REEP1: variants seen among roughly 807,000 people sequenced by gnomAD.
REEP1 encodes the protein receptor accessory protein 1, also known as receptor expression-enhancing protein 1.
Under a neutral mutation model 40.3 loss-of-function variants are expected in REEP1, and 22 were observed. The ratio of observed to expected loss-of-function variants is 0.55; its 90% confidence interval spans 0.39 to 0.78. The LOEUF (loss-of-function observed/expected upper bound fraction) is 0.78. Ranked by LOEUF, REEP1 falls within the 30% of genes least tolerant of loss-of-function variation. The probability of loss-of-function intolerance (pLI) is 0.00; values close to 1 mark genes in which losing one functional copy is unlikely to be tolerated. For missense variants in REEP1, 280 were observed against 361.1 expected, an observed-to-expected ratio of 0.78 and a Z score of 1.82; for synonymous variants, 116 against 139.2, an observed-to-expected ratio of 0.83 and a Z score of 1.17.
At chr2:86,335,005 G>GCGTT (rs1255851373) in intron 1 of REEP1, among the ~76,000 whole-genome samples, 1 of 152,218 alleles carries the variant, frequency 6.6e-6, no homozygotes, top group Non-Finnish European at 1.5e-5. Flanking sequence ...TGAACCATGG[G>GCGTT]CGTTCTGACT....
intron 1 of REEP1, among the ~76,000 whole-genome samples, chr2:86,328,367 A>G (rs2104534465): frequency 6.6e-6 from 1 of 152,338 alleles, no homozygotes; most frequent in East Asian, 1.9e-4. Context: ...ACTGATCACA[A>G]TTAGGCAGCC....
At chr2:86,265,975 G>A (rs980591882) in intron 2 of REEP1, among the ~76,000 whole-genome samples, 2 of 152,116 alleles carry the variant, frequency 1.3e-5, no homozygotes, top group African/African-American at 4.8e-5. Context: ...AATATCTGTG[G>A]TTTCCACAAT....
rs141168918 is a variant in REEP1 at position 86,304,034 on chromosome 2, G to A, written c.33-21792C>T. Among the ~76,000 whole-genome samples the A allele has an allele frequency of 5.8e-3, 883 of 152,288 alleles. 5 individuals carry two copies. The highest frequency in any genetic ancestry group is 0.02 in the African/African-American group (838 of 41,540). On this transcript the variant is annotated intron_variant, in intron 1 of 8. Coordinates refer to ENST00000538924, the MANE Select transcript of REEP1 (RefSeq NM_001371279.1). ...GGGTGCGACACTTGGTAGATATGTA[G>A]TAAATAGGAATGATTGAATGAATGT...
chr2:86,323,958 T>C (rs2104522198), intron 1 of REEP1, among the ~76,000 whole-genome samples: 1 of 151,844 alleles, frequency 6.6e-6, no homozygotes, highest in African/African-American at 2.4e-5. Flanking sequence ...GCTTTTCATG[T>C]GAAGAAAAAA....
chr2:86,337,981 C>T (rs1681132054), upstream of REEP1: 1 of 1,510,984 alleles, frequency 6.6e-7, no homozygotes. The surrounding 1 kb of genome is among the most constrained non-coding windows in gnomAD (Gnocchi z 5.8). Context: ...GGGATGCTGT[C>T]ATCCCTCATT....
chr2:86,224,235 T>C lies in REEP1; in HGVS notation c.631+3128A>G, dbSNP rs528990727. Reference sequence around the variant, plus strand: ...GGCTCTGCATGGCCCCAGAGGTAATTTGAATCTTCCCAGGCTTTGGCCTGA... The same window carrying C: ...GGCTCTGCATGGCCCCAGAGGTAATCTGAATCTTCCCAGGCTTTGGCCTGA... On this transcript the variant is annotated intron_variant, in intron 7 of 8. Transcript: ENST00000538924. Among the ~76,000 whole-genome samples, 266 of 152,316 alleles carry C rather than the reference T, an allele frequency of 1.7e-3. 1 individual carries two copies. The highest frequency in any genetic ancestry group is 6.2e-3 in the African/African-American group (257 of 41,568).
At chr2:86,227,017 T>C (rs762757001) in intron 7 of REEP1, among the ~76,000 whole-genome samples, 2 of 152,178 alleles carry the variant, frequency 1.3e-5, no homozygotes, top group Non-Finnish European at 2.9e-5. Flanking sequence ...TTGTAAGGAC[T>C]CTTAAGCAGC....
At chr2:86,272,307 C>G (rs1250379248) in intron 2 of REEP1, among the ~76,000 whole-genome samples, 1 of 152,244 alleles carries the variant, frequency 6.6e-6, no homozygotes, top group South Asian at 2.1e-4. Context: ...GCAAGATCTA[C>G]TTTCTCATTC....
intron 1 of REEP1, among the ~76,000 whole-genome samples, chr2:86,323,658 T>C (rs922699006): frequency 6.6e-6 from 1 of 152,226 alleles, no homozygotes; most frequent in African/African-American, 2.4e-5. Context: ...AAAAACTGTC[T>C]TCTATGAAAC....
At chr2:86,277,652 C>T (rs1677839868) in intron 2 of REEP1, among the ~76,000 whole-genome samples, 1 of 152,046 alleles carries the variant, frequency 6.6e-6, no homozygotes, top group African/African-American at 2.4e-5. Context: ...ATTTGGGCCC[C>T]ATCACAGGAT....
At chr2:86,218,494 C>T (rs558207593) in intron 8 of REEP1, among the ~76,000 whole-genome samples, 1 of 152,374 alleles carries the variant, frequency 6.6e-6, no homozygotes, top group East Asian at 1.9e-4. Context: ...TTACCAGCCA[C>T]CTCTGGACAG....
At chr2:86,263,384 C>A (rs918714300) in intron 3 of REEP1, among the ~76,000 whole-genome samples, 1 of 152,022 alleles carries the variant, frequency 6.6e-6, no homozygotes, top group Non-Finnish European at 1.5e-5. Flanking sequence ...TGTGCACCAC[C>A]ATGCCCGGCT....
chr2:86,322,995 T>C (rs1680341855), intron 1 of REEP1, among the ~76,000 whole-genome samples: 1 of 152,112 alleles, frequency 6.6e-6, no homozygotes, highest in Non-Finnish European at 1.5e-5. Flanking sequence ...AAGACTAGCA[T>C]GGGCAAAATA....
chr2:86,264,495 C>T (rs944391191), intron 2 of REEP1, among the ~76,000 whole-genome samples: 1 of 152,116 alleles, frequency 6.6e-6, no homozygotes, highest in Non-Finnish European at 1.5e-5. Flanking sequence ...TTTCTACTGC[C>T]TTTCTCCCCT....
At chr2:86,233,134 T>C (rs1332364473) in intron 5 of REEP1, among the ~76,000 whole-genome samples, 4 of 152,228 alleles carry the variant, frequency 2.6e-5, no homozygotes, top group Admixed American at 6.5e-5. Flanking sequence ...CTGCAGCTCC[T>C]ACTCCTTCCA....
rs1681112934 is a variant in REEP1 at position 86,337,596 on chromosome 2, T to C, written c.-86A>G. The C allele has an allele frequency of 8.6e-7, 1 of 1,157,950 alleles. No homozygotes were observed. Among genetic ancestry groups the C allele is most frequent in the Non-Finnish European group, 1.1e-6 (1 of 942,068 alleles). 71.7% of individuals were successfully genotyped at this position (1,157,950 alleles called of 1,614,324 possible). A position where few individuals can be genotyped will look rare whatever the true frequency, so the allele number is the denominator to read the frequency against. On this transcript the variant is annotated 5_prime_UTR_variant, in exon 1 of 9. Coordinates refer to ENST00000538924, the MANE Select transcript of REEP1 (RefSeq NM_001371279.1). The surrounding 1 kb of genome is among the most constrained non-coding windows in gnomAD (Gnocchi z 5.8). ...GGGCTGCTGCGGCGTTCCCGGAACG[T>C]CAGTCAGCTCACGGCAGCCGCCGCC... is the stretch of plus-strand genomic sequence containing the variant.
intron 1 of REEP1, among the ~76,000 whole-genome samples, chr2:86,293,009 G>A (rs923783948): frequency 1.3e-5 from 2 of 152,234 alleles, no homozygotes; most frequent in African/African-American, 4.8e-5. Flanking sequence ...CAGAAGTCAG[G>A]TGAGGCAACT....
At chr2:86,292,363 T>C (rs1240029092) in intron 1 of REEP1, among the ~76,000 whole-genome samples, 1 of 152,206 alleles carries the variant, frequency 6.6e-6, no homozygotes, top group Non-Finnish European at 1.5e-5. Context: ...TGTTTTTCAT[T>C]CAATCATTAA....
chr2:86,333,185 C>G (rs956004831), intron 1 of REEP1, among the ~76,000 whole-genome samples: 1 of 152,182 alleles, frequency 6.6e-6, no homozygotes, highest in Non-Finnish European at 1.5e-5. Context: ...AAAGCAGGCC[C>G]CAAAGAAAAG....
Sources: gnomAD v4.1 joint callset for allele counts (sites outside exome capture counted in the v4.1 genomes callset) on GRCh38, gnomAD v4.1.1 for gene constraint, Gnocchi (gnomAD v3.1) non-coding constraint, MANE v1.5 for transcripts, NCBI Gene and HGNC (gene_info 2026-07-23, HGNC 2026-07-21) for gene names.